Variants in UROS observed in about 807,000 individuals in gnomAD.
UROS encodes the protein uroporphyrinogen III synthase.
UROS carries 18 observed loss-of-function variants against 33.0 expected under a neutral mutation model. The ratio of observed to expected loss-of-function variants is 0.55; its 90% CI spans 0.38 to 0.81. The LOEUF (loss-of-function observed/expected upper bound fraction) is 0.81. UROS is among the 30% of genes least tolerant of loss of function. The pLI, the probability that UROS is intolerant of heterozygous loss-of-function variation, is 0.00. For missense variants in UROS, 293 were observed against 314.9 expected, an observed-to-expected ratio of 0.93 and a Z score of 0.53; for synonymous variants, 114 against 121.1, an observed-to-expected ratio of 0.94 and a Z score of 0.38.
chr10:125,816,099 A>G, intron 3 of UROS, 78 bp downstream of exon 3: 1 of 1,361,040 alleles, frequency 7.3e-7, no homozygotes. Context: ...AGAAGACAGT[A>G]AAATAGTCCC....
At chr10:125,801,350 A>T (rs964742147) in intron 6 of UROS, among the ~76,000 whole-genome samples, 3 of 152,232 alleles carry the variant, frequency 2.0e-5, no homozygotes, top group African/African-American at 7.2e-5. Context: ...CCATTAGAGG[A>T]GATATCTGGG....
chr10:125,798,104 G>A lies in UROS; in HGVS notation c.436C>T (p.Leu146Phe), dbSNP rs1240762676. 6.2e-7 allele frequency: 1 copy of A among 1,614,038 alleles called. No individual in the cohort carries two copies. The highest frequency in any genetic ancestry group is 1.7e-5 in the Admixed American group (1 of 60,024). Residue 146 changes from leucine to phenylalanine, a missense_variant, in exon 7 of 10, where the codon CTC becomes TTC. Transcript: ENST00000368797. ...ALPLLFPCGN[L>F]KREILPKALK... ...GCTTTTGGCAGGATTTCTCTTTTGA[G>A]GTTTCCACAGGGAAATAGAAGAGGC...
intron 9 of UROS, 99 bp downstream of exon 9, chr10:125,794,781 G>T: frequency 2.6e-6 from 3 of 1,173,376 alleles, no homozygotes; most frequent in African/African-American, 1.6e-5. Context: ...TGCTAGGCCA[G>T]GGGTGTCTCA....
In UROS at chr10:125,810,624, A is replaced by C. The variant is rs150305910; in HGVS notation, c.319+1590T>G. Among the ~76,000 whole-genome samples the C allele has an allele frequency of 2.7e-3, 411 of 152,294 alleles. 3 individuals are homozygous for C. Among genetic ancestry groups the C allele is most frequent in the African/African-American group, 8.9e-3 (369 of 41,550 alleles). ...ATTTGGGGGTAATTTGTTACGCAGCAAAGATAATACATTGGGCCTGGTCTC... is the reference window on the plus strand; with the variant it reads ...ATTTGGGGGTAATTTGTTACGCAGCCAAGATAATACATTGGGCCTGGTCTC... On this transcript the variant is annotated intron_variant, in intron 5 of 9. Coordinates refer to ENST00000368797, the MANE Select transcript of UROS (RefSeq NM_000375.3).
downstream of UROS, chr10:125,785,142 C>A (rs1414734981): frequency 6.6e-6 from 1 of 152,228 alleles, no homozygotes; most frequent in Non-Finnish European, 1.5e-5. Context: ...CTTTTACACT[C>A]AAGAAGTCTA....
chr10:125,815,662 A>G lies in UROS; in HGVS notation c.147+515T>C, dbSNP rs571208853. 6.6e-5 allele frequency among the ~76,000 whole-genome samples: 10 copies of G among 152,292 alleles called. No individual in the cohort carries two copies. The East Asian group carries it at 1.9e-3, about 29-fold the overall frequency. ...GAATTTTCACTCTGAAGCATTTGGAAGGCTTTACTGGACTTGTCTCCTGCA... is the reference window on the plus strand; with the variant it reads ...GAATTTTCACTCTGAAGCATTTGGAGGGCTTTACTGGACTTGTCTCCTGCA... On this transcript the variant is annotated intron_variant, in intron 3 of 9. Coordinates refer to ENST00000368797, the MANE Select transcript of UROS (RefSeq NM_000375.3).
chr10:125,812,364 C>T, intron 4 of UROS, 76 bp from the exon 5 acceptor site: 1 of 1,366,580 alleles, frequency 7.3e-7, no homozygotes, highest in Non-Finnish European at 1.0e-6. Flanking sequence ...GCTGCTTGTT[C>T]ACCCTAAGAA....
chr10:125,808,184 G>A (rs1039187302), intron 5 of UROS, among the ~76,000 whole-genome samples: 8 of 152,188 alleles, frequency 5.3e-5, no homozygotes, highest in East Asian at 1.9e-4. Flanking sequence ...TCCACAAAGC[G>A]TGCTGATGAA....
Position 125,795,789 on chromosome 10 carries a change from C to A in UROS, c.561+314G>T, listed in dbSNP as rs181233973. Among the ~76,000 whole-genome samples, 8 of 152,336 alleles carry A rather than the reference C, an allele frequency of 5.3e-5. No homozygotes were observed. In the East Asian group the frequency reaches 1.5e-3, roughly 29 times the overall value. The stretch of plus-strand genomic sequence containing the variant: ...CTCCTTTAACCCCTATAAAAACTTA[C>A]CACTTCCTCAAAGTCACCACATTAA... On this transcript the variant is annotated intron_variant, in intron 8 of 9. Coordinates refer to ENST00000368797, the MANE Select transcript of UROS (RefSeq NM_000375.3).
chr10:125,814,924 T>C, intron 4 of UROS, 110 bp downstream of exon 4: 1 of 1,227,024 alleles, frequency 8.1e-7, no homozygotes, highest in South Asian at 1.3e-5. Context: ...CTGATACCAC[T>C]AAGCACTCAC....
rs374202078 is a variant in UROS, at chr10:125,816,529, C to T, written c.-26-4G>A. ...GCCTGGCAGTCCTTATAGGGCACTG[C>T]GACAGAGCAAGGAAACAGATCTTAA... On this transcript the variant is annotated splice_region_variant and splice_polypyrimidine_tract_variant and intron_variant, in intron 1 of 9. Transcript: ENST00000368797. 1.2e-5 allele frequency: 19 copies of T among 1,613,828 alleles called. No individual in the cohort carries two copies. Among genetic ancestry groups the T allele is most frequent in the African/African-American group, 2.7e-5 (2 of 74,888 alleles).
chr10:125,797,411 C>T (rs139209715), intron 7 of UROS, among the ~76,000 whole-genome samples: 171 of 152,316 alleles, frequency 1.1e-3, no homozygotes, highest in African/African-American at 3.7e-3. Flanking sequence ...ACATCACTTA[C>T]CTTCATTCAC....
intron 1 of UROS, among the ~76,000 whole-genome samples, chr10:125,820,279 T>G (rs1000497067): frequency 3.3e-5 from 5 of 152,146 alleles, no homozygotes; most frequent in Admixed American, 6.5e-5. Context: ...AAGGCTGGTG[T>G]TGTAGCCTGA....
At chr10:125,791,203 A>C (rs1850912828) in intron 9 of UROS, among the ~76,000 whole-genome samples, 1 of 152,226 alleles carries the variant, frequency 6.6e-6, no homozygotes, top group Non-Finnish European at 1.5e-5. Context: ...TATCTCTTTA[A>C]AGAAGATATA....
intron 4 of UROS, among the ~76,000 whole-genome samples, chr10:125,812,762 A>G (rs896886928): frequency 6.6e-6 from 1 of 152,238 alleles, no homozygotes; most frequent in African/African-American, 2.4e-5. Context: ...TCATTTATCC[A>G]TTACACCAAA....
chr10:125,802,368 A>G, intron 6 of UROS: 1 of 985,860 alleles, frequency 1.0e-6, no homozygotes, highest in Non-Finnish European at 1.2e-6. Context: ...TGGCTGAATA[A>G]AAGAGAGTCA....
chr10:125,816,443 A>G lies in UROS; in HGVS notation c.57T>C (p.Tyr19=), dbSNP rs750579494. 6.2e-7 allele frequency: 1 copy of G among 1,614,198 alleles called. No individual in the cohort carries two copies. The highest frequency in any genetic ancestry group is 8.5e-7 in the Non-Finnish European group (1 of 1,180,038). The change falls in exon 2 of 10, where the codon TAT becomes TAC. Residue 19 remains tyrosine, a synonymous_variant. Transcript: ENST00000368797. ...AKEDDCGQDP[Y]IRELGLYGLE... ...GGAGTCTCAGGCCACTTACCCTGAT[A>G]TACGGATCCTGGCCACAGTCATCTT...
intron 1 of UROS, among the ~76,000 whole-genome samples, chr10:125,818,060 G>C (rs1445317936): frequency 1.3e-5 from 2 of 152,172 alleles, no homozygotes; most frequent in Non-Finnish European, 2.9e-5. Flanking sequence ...GGATAATAAA[G>C]AGCTCCCTGA....
Position 125,816,499 on chromosome 10 carries a change from TTA to T in UROS, c.-2_-1del. ...GCATCCTTCAGTAAAAGAACCTTCA[TTA>T]TTGCCTGGCAGTCCTTATAGGGCAC... On this transcript the variant is annotated 5_prime_UTR_variant, in exon 2 of 10. Coordinates refer to ENST00000368797, the MANE Select transcript of UROS (RefSeq NM_000375.3). 6.2e-7 allele frequency: 1 copy of T among 1,614,174 alleles called. No individual in the cohort carries two copies. The highest frequency in any genetic ancestry group is 8.5e-7 in the Non-Finnish European group (1 of 1,180,014).
Sources: gnomAD v4.1 joint callset for allele counts (sites outside exome capture counted in the v4.1 genomes callset) on GRCh38, gnomAD v4.1.1 for gene constraint, MANE v1.5 for transcripts, NCBI Gene and HGNC (gene_info 2026-07-23, HGNC 2026-07-21) for gene names.